TMEM232: variants seen among roughly 807,000 people sequenced by gnomAD.
TMEM232 encodes the protein transmembrane protein 232.
A neutral mutation model predicts 78.8 loss-of-function variants in TMEM232; 80 were observed. The ratio of observed to expected loss-of-function variants is 1.01; its 90% CI spans 0.85 to 1.22. TMEM232 has a LOEUF of 1.22. Ranked by LOEUF, TMEM232 falls within the 50% of genes most tolerant of loss-of-function variation. The pLI is 0.00. For synonymous variants in TMEM232, 297 were observed against 254.3 expected (o/e 1.17, Z -1.60); for missense variants, 881 against 742.2 (o/e 1.19, Z -2.17).
intron 13 of TMEM232, 131 bp from the exon 14 acceptor site, chr5:110,420,887 T>A: frequency 8.0e-7 from 1 of 1,242,878 alleles, no homozygotes; most frequent in Non-Finnish European, 1.1e-6. Flanking sequence ...CTCAAAAATT[T>A]TATATCTACC....
chr5:110,725,730 T>A (rs1201773754), intron 1 of TMEM232: 3 of 152,206 alleles, frequency 2.0e-5, no homozygotes, highest in Non-Finnish European at 4.4e-5. Context: ...AGACCCAGAT[T>A]TCTTTTTTTA....
At chr5:110,537,291 A>ATT (rs1377106617) in intron 11 of TMEM232, among the ~76,000 whole-genome samples, 2 of 136,370 alleles carry the variant, frequency 1.5e-5, no homozygotes, top group African/African-American at 6.3e-5. Context: ...ATATATATAT[A>ATT]TTTTTTTTTT....
At chr5:110,502,702 T>A (rs2149445904) in intron 12 of TMEM232, among the ~76,000 whole-genome samples, 1 of 152,276 alleles carries the variant, frequency 6.6e-6, no homozygotes. Flanking sequence ...CACTACCCGG[T>A]AGCCACATTG....
intron 1 of TMEM232, among the ~76,000 whole-genome samples, chr5:110,684,085 G>C (rs1394762855): frequency 3.3e-5 from 5 of 151,640 alleles, no homozygotes; most frequent in African/African-American, 1.2e-4. Context: ...AATGTATCTA[G>C]GAAAAACTAA....
At chr5:110,426,951 G>A (rs1031742756) in intron 12 of TMEM232, among the ~76,000 whole-genome samples, 1 of 151,936 alleles carries the variant, frequency 6.6e-6, no homozygotes, top group Non-Finnish European at 1.5e-5. Context: ...AATTGTTTAA[G>A]TTTTAAAAAA....
chr5:110,574,799 C>T (rs576059516), intron 10 of TMEM232, among the ~76,000 whole-genome samples: 16 of 152,204 alleles, frequency 1.1e-4, no homozygotes, highest in African/African-American at 3.8e-4. Flanking sequence ...GGACTCTGCT[C>T]TATGTACCTC....
At chr5:110,702,788 A>C (rs1029069081) in intron 1 of TMEM232, among the ~76,000 whole-genome samples, 2 of 152,028 alleles carry the variant, frequency 1.3e-5, no homozygotes, top group East Asian at 1.9e-4. Flanking sequence ...CATAGAAAGC[A>C]ATCCCTTACC....
chr5:110,718,411 CTTAT>C (rs1025786706), intron 1 of TMEM232, among the ~76,000 whole-genome samples: 1 of 151,966 alleles, frequency 6.6e-6, no homozygotes, highest in Non-Finnish European at 1.5e-5. Flanking sequence ...AGCTGTTAAT[CTTAT>C]TTATGTTCTT....
intron 12 of TMEM232, among the ~76,000 whole-genome samples, chr5:110,486,815 T>C (rs1264864155): frequency 1.3e-5 from 2 of 152,062 alleles, no homozygotes; most frequent in Admixed American, 6.6e-5. Context: ...TTTGGTTCCA[T>C]ATGAATTTTA....
chr5:110,582,091 G>A (rs1778272351), intron 10 of TMEM232, among the ~76,000 whole-genome samples: 1 of 151,970 alleles, frequency 6.6e-6, no homozygotes, highest in African/African-American at 2.4e-5. Flanking sequence ...ACAGTGGAAA[G>A]CAGTTTGGAG....
At chr5:110,418,609 A>T (rs1279839463), downstream of TMEM232, among the ~76,000 whole-genome samples, 1 of 152,168 alleles carries the variant, frequency 6.6e-6, no homozygotes, top group African/African-American at 2.4e-5. Context: ...AAGACATAAA[A>T]AGGGTTACTT....
intron 11 of TMEM232, among the ~76,000 whole-genome samples, chr5:110,543,118 G>A (rs112413013): frequency 0.029 from 4,384 of 152,036 alleles, 219 homozygotes; most frequent in African/African-American, 0.1. Flanking sequence ...CAAGAACCTG[G>A]ACAACTTGTA....
chr5:110,656,698 G>T (rs187615739), intron 2 of TMEM232, among the ~76,000 whole-genome samples: 2 of 151,862 alleles, frequency 1.3e-5, no homozygotes, highest in African/African-American at 4.8e-5. Flanking sequence ...TTAGCTGGGC[G>T]TGGTGGCAGG....
intron 1 of TMEM232, among the ~76,000 whole-genome samples, chr5:110,699,646 C>T (rs1295922173): frequency 6.6e-6 from 1 of 151,930 alleles, no homozygotes; most frequent in Non-Finnish European, 1.5e-5. Flanking sequence ...ATCTTGGAAA[C>T]CATTTCTCGA....
chr5:110,437,342 TAC>T (rs1758551721), intron 12 of TMEM232, among the ~76,000 whole-genome samples: 1 of 151,942 alleles, frequency 6.6e-6, no homozygotes, highest in South Asian at 2.1e-4. Context: ...GAAAAAAACA[TAC>T]AGTGTAATTT....
intron 7 of TMEM232, among the ~76,000 whole-genome samples, chr5:110,620,577 A>ATCTATCTC (rs1783509658): frequency 1.2e-4 from 5 of 43,090 alleles, no homozygotes. Flanking sequence ...TGTCTCTCAT[A>ATCTATCTC]TCTCTCTCTC....
chr5:110,415,765 A>G (rs1756180615), downstream of TMEM232, among the ~76,000 whole-genome samples: 1 of 152,088 alleles, frequency 6.6e-6, no homozygotes, highest in South Asian at 2.1e-4. Flanking sequence ...GCAATATTCA[A>G]AGCATTACTG....
chr5:110,706,688 T>A lies in TMEM232; in HGVS notation c.-13+19939A>T, dbSNP rs530604872. Among the ~76,000 whole-genome samples the A allele has an allele frequency of 2.0e-5, 3 of 152,242 alleles. No individual in the cohort carries two copies. In the South Asian group the frequency reaches 6.2e-4, roughly 32 times the overall value. ...TTCTTCCACCCAGCTCCTCAAGGCA[T>A]CTCAGCAATACTGCAGACAATGCAA... is the stretch of plus-strand genomic sequence containing the variant. On this transcript the variant is annotated intron_variant, in intron 1 of 13. Transcript: ENST00000455884.
At chr5:110,398,657 A>C (rs764042554) in intron 2 of TMEM232, among the ~76,000 whole-genome samples, 18 of 152,206 alleles carry the variant, frequency 1.2e-4, no homozygotes, top group Non-Finnish European at 2.6e-4. Context: ...GAACATGTCC[A>C]GATGCTGAAG....
Sources: allele counts gnomAD v4.1 joint callset (sites outside exome capture counted in the v4.1 genomes callset), GRCh38; gene constraint gnomAD v4.1.1; transcripts MANE v1.5; gene names NCBI Gene and HGNC (gene_info 2026-07-23, HGNC 2026-07-21).